CDC42SE2: variants seen among roughly 807,000 people sequenced by gnomAD.
The protein encoded by CDC42SE2 is CDC42 small effector protein 2.
CDC42SE2 carries 3 observed loss-of-function variants against 11.5 expected under a neutral mutation model. That is an observed-to-expected ratio of 0.26 (90% CI 0.12 to 0.67). The LOEUF is 0.67. Ranked by LOEUF, CDC42SE2 falls within the 30% of genes least tolerant of loss-of-function variation. The probability of loss-of-function intolerance (pLI) is 0.80; values close to 1 mark genes in which losing one functional copy is unlikely to be tolerated. For missense variants in CDC42SE2, 82 were observed against 106.8 expected, an observed-to-expected ratio of 0.77 and a Z score of 1.02; for synonymous variants, 33 against 34.8, an observed-to-expected ratio of 0.95 and a Z score of 0.18.
intron 1 of CDC42SE2, among the ~76,000 whole-genome samples, chr5:131,278,866 CCTCTGCCT>C (rs1190722438): frequency 1.4e-5 from 2 of 138,538 alleles, no homozygotes; most frequent in East Asian, 4.4e-4. Context: ...CTCACTGCAA[CCTCTGCCT>C]CCTAGGTTCA....
At chr5:131,229,221 T>A in the CDC42SE2 span, among the ~76,000 whole-genome samples, 3 of 152,062 alleles carry the variant, frequency 2.0e-5, no homozygotes, top group East Asian at 5.8e-4. Flanking sequence ...TGCTATGTTG[T>A]CCAGACTGAT....
intron 2 of CDC42SE2, among the ~76,000 whole-genome samples, chr5:131,323,245 C>G (rs554682582): frequency 1.3e-5 from 2 of 151,412 alleles, no homozygotes; most frequent in African/African-American, 4.9e-5. Flanking sequence ...AGTGTCATCT[C>G]AAACTCCTGG....
chr5:131,259,935 CATT>C (rs1418617520), upstream of CDC42SE2, among the ~76,000 whole-genome samples: 1 of 152,216 alleles, frequency 6.6e-6, no homozygotes, highest in Non-Finnish European at 1.5e-5. Context: ...TTTATTTAAA[CATT>C]ATACTATATT....
At chr5:131,377,673 T>C (rs1750196512) in intron 3 of CDC42SE2, among the ~76,000 whole-genome samples, 1 of 152,194 alleles carries the variant, frequency 6.6e-6, no homozygotes, top group Non-Finnish European at 1.5e-5. Context: ...ATGTACACTG[T>C]AGCTTGAGAA....
chr5:131,233,307 C>T, the CDC42SE2 span, among the ~76,000 whole-genome samples: 104 of 152,134 alleles, frequency 6.8e-4, no homozygotes, highest in Non-Finnish European at 1.2e-3. Flanking sequence ...ATGCATGTAG[C>T]ATAATATATT....
At chr5:131,309,332 G>A (rs1757848532) in intron 1 of CDC42SE2, among the ~76,000 whole-genome samples, 3 of 151,678 alleles carry the variant, frequency 2.0e-5, no homozygotes, top group African/African-American at 7.3e-5. Context: ...TTGATGTGCT[G>A]CTGGATTCGT....
rs115191468 is a variant in CDC42SE2 at position 131,314,410 on chromosome 5, T to C, written c.-454-1566T>C. Reference sequence around the variant, plus strand: ...CCATGCCTGGTTAACTTAAAACATTTTTTTTGTTGTTGTTGAGACAGGGTC... The same window carrying C: ...CCATGCCTGGTTAACTTAAAACATTCTTTTTGTTGTTGTTGAGACAGGGTC... On this transcript the variant is annotated intron_variant, in intron 1 of 4. Transcript: ENST00000505065. 3.7e-3 allele frequency among the ~76,000 whole-genome samples: 558 copies of C among 152,130 alleles called. 1 individual carries two copies. The highest frequency in any genetic ancestry group is 0.017 in the Middle Eastern group (5 of 294).
chr5:131,386,337 G>C (rs1022917484), intron 4 of CDC42SE2, among the ~76,000 whole-genome samples: 7 of 152,152 alleles, frequency 4.6e-5, no homozygotes, highest in African/African-American at 1.7e-4. Flanking sequence ...TGTGCAGCCC[G>C]GTTCCTAACA....
the CDC42SE2 span, among the ~76,000 whole-genome samples, chr5:131,230,415 G>T: frequency 1.6e-4 from 24 of 152,168 alleles, no homozygotes; most frequent in African/African-American, 5.6e-4. Context: ...TTAGCTCGGG[G>T]AATTAATTAC....
intron 1 of CDC42SE2, among the ~76,000 whole-genome samples, 165 bp downstream of exon 1, chr5:131,264,331 C>T (rs1756806224): frequency 6.6e-6 from 1 of 152,188 alleles, no homozygotes; most frequent in Non-Finnish European, 1.5e-5. Context: ...GAGCCTGCGT[C>T]TTCCATTTCA....
intron 3 of CDC42SE2, among the ~76,000 whole-genome samples, chr5:131,374,622 C>T (rs1750099957): frequency 1.3e-5 from 2 of 150,650 alleles, no homozygotes; most frequent in Admixed American, 1.3e-4. Flanking sequence ...AGAAGCAATT[C>T]CAGTGCAAAG....
At chr5:131,323,137 C>T (rs1039001861) in intron 2 of CDC42SE2, among the ~76,000 whole-genome samples, 3 of 151,784 alleles carry the variant, frequency 2.0e-5, no homozygotes, top group African/African-American at 7.3e-5. Flanking sequence ...AGCAGTCCTT[C>T]CACATTAGCC....
the CDC42SE2 span, among the ~76,000 whole-genome samples, chr5:131,223,309 G>T: frequency 6.6e-6 from 1 of 152,098 alleles, no homozygotes; most frequent in African/African-American, 2.4e-5. Flanking sequence ...CGTGTTTTCA[G>T]TCGTCTGGCC....
chr5:131,222,784 G>A, the CDC42SE2 span, among the ~76,000 whole-genome samples: 909 of 152,282 alleles, frequency 6.0e-3, 10 homozygotes, highest in African/African-American at 0.021. Context: ...GGAGGGCATG[G>A]CACCCTTCAC....
chr5:131,307,847 T>C lies in CDC42SE2; in HGVS notation c.-454-8129T>C, dbSNP rs1367386542. Reference sequence around the variant, plus strand: ...GATGAGCATTTTTTCATGTGTCTTTTGGCTGCATGAATGTCTTCTTTTGAA... The same window carrying C: ...GATGAGCATTTTTTCATGTGTCTTTCGGCTGCATGAATGTCTTCTTTTGAA... On this transcript the variant is annotated intron_variant, in intron 1 of 4. Transcript: ENST00000505065. Among the ~76,000 whole-genome samples the C allele has an allele frequency of 2.6e-5, 4 of 152,364 alleles. No individual in the cohort carries two copies. In the East Asian group the frequency reaches 7.7e-4, roughly 29 times the overall value.
At chr5:131,390,868 T>C in intron 4 of CDC42SE2, 125 bp from the exon 5 acceptor site, 1 of 472,486 alleles carries the variant, frequency 2.1e-6, no homozygotes, top group Non-Finnish European at 3.7e-6. Flanking sequence ...AAAAAATTTT[T>C]GTCTATAAAA....
upstream of CDC42SE2, among the ~76,000 whole-genome samples, chr5:131,243,783 G>A (rs1022071523): frequency 6.6e-6 from 1 of 152,144 alleles, no homozygotes; most frequent in Non-Finnish European, 1.5e-5. Context: ...ATTTAGCCCA[G>A]CAGACTCATA....
intron 1 of CDC42SE2, among the ~76,000 whole-genome samples, chr5:131,282,691 C>G (rs1278734464): frequency 6.6e-6 from 1 of 151,960 alleles, no homozygotes; most frequent in Non-Finnish European, 1.5e-5. Flanking sequence ...TGCAGTGGCG[C>G]GATCTCGGCT....
chr5:131,360,572 T>A (rs1035748208), intron 3 of CDC42SE2, among the ~76,000 whole-genome samples: 3 of 152,248 alleles, frequency 2.0e-5, no homozygotes, highest in African/African-American at 7.2e-5. Context: ...AGTAAATAAC[T>A]ATTCTACAGT....
Sources: allele counts gnomAD v4.1 joint callset (sites outside exome capture counted in the v4.1 genomes callset), GRCh38; gene constraint gnomAD v4.1.1; transcripts MANE v1.5; gene names NCBI Gene and HGNC (gene_info 2026-07-23, HGNC 2026-07-21).